UGT3A2: variants seen among roughly 807,000 people sequenced by gnomAD.
UGT3A2 encodes the protein UDP-glycosyltransferase 3A2.
Under a neutral mutation model 39.8 loss-of-function variants are expected in UGT3A2, and 32 were observed. The observed-to-expected ratio is 0.80, with a 90% CI of 0.61 to 1.08. The LOEUF is 1.08. Among genes scored for constraint, UGT3A2 ranks in the 50% least tolerant of loss-of-function variants. The probability of loss-of-function intolerance (pLI) is 0.00; values close to 1 mark genes in which losing one functional copy is unlikely to be tolerated. For missense variants in UGT3A2, 611 were observed against 637.1 expected, an observed-to-expected ratio of 0.96 and a Z score of 0.44; for synonymous variants, 241 against 230.7, an observed-to-expected ratio of 1.04 and a Z score of -0.40.
intron 2 of UGT3A2, among the ~76,000 whole-genome samples, chr5:36,057,249 C>T (rs1470814064): frequency 6.6e-6 from 1 of 152,160 alleles, no homozygotes; most frequent in Non-Finnish European, 1.5e-5. Context: ...TGTTTCAATT[C>T]ATTAAATTGG....
chr5:36,048,804 G>A, intron 4 of UGT3A2, 85 bp downstream of exon 4: 1 of 1,540,848 alleles, frequency 6.5e-7, no homozygotes, highest in Non-Finnish European at 8.7e-7. Context: ...TTTAGCCTCA[G>A]GATCCTACTG....
At chr5:36,037,333 T>A (rs1480818677) in intron 6 of UGT3A2, among the ~76,000 whole-genome samples, 1 of 152,160 alleles carries the variant, frequency 6.6e-6, no homozygotes, top group Admixed American at 6.5e-5. Context: ...TACTCAGGAC[T>A]GTCAGAGGCG....
At chr5:36,051,735 C>T (rs903908646) in intron 3 of UGT3A2, 135 bp downstream of exon 3, 9 of 248,686 alleles carry the variant, frequency 3.6e-5, no homozygotes, top group East Asian at 3.4e-4. Flanking sequence ...TCCATCCATC[C>T]GTCCATCCAT....
intron 2 of UGT3A2, among the ~76,000 whole-genome samples, chr5:36,058,674 A>T (rs1371254423): frequency 6.6e-6 from 1 of 152,188 alleles, no homozygotes; most frequent in Non-Finnish European, 1.5e-5. Flanking sequence ...AGGGTTGTGG[A>T]AGCTCAGCAG....
chr5:36,038,991 T>C (rs980042678), intron 5 of UGT3A2, among the ~76,000 whole-genome samples: 4 of 152,214 alleles, frequency 2.6e-5, no homozygotes, highest in Admixed American at 1.3e-4. Flanking sequence ...AATCTTGTGA[T>C]GGTAGAAGTT....
intron 4 of UGT3A2, among the ~76,000 whole-genome samples, chr5:36,040,477 T>C (rs1445081693): frequency 6.6e-6 from 1 of 151,990 alleles, no homozygotes; most frequent in Non-Finnish European, 1.5e-5. Context: ...ACTGAGAAGG[T>C]AGGAAAGACA....
Position 36,035,537 on chromosome 5 carries a change from T to C in UGT3A2, c.*161A>G. The C allele has an allele frequency of 2.8e-6, 3 of 1,060,682 alleles. No individual in the cohort carries two copies. Among genetic ancestry groups the C allele is most frequent in the Middle Eastern group, 3.2e-4 (1 of 3,134 alleles). 65.7% of individuals were successfully genotyped at this position (1,060,682 alleles called of 1,614,324 possible). Reference sequence around the variant, plus strand: ...AGTAAGGATGAATTTGTAGCAAAATTAGCAAGTGGAAAGGATGATTTTTGG... The same window carrying C: ...AGTAAGGATGAATTTGTAGCAAAATCAGCAAGTGGAAAGGATGATTTTTGG... On this transcript the variant is annotated 3_prime_UTR_variant, in exon 7 of 7. Coordinates refer to ENST00000282507, the MANE Select transcript of UGT3A2 (RefSeq NM_174914.4).
intron 3 of UGT3A2, among the ~76,000 whole-genome samples, chr5:36,050,167 A>T (rs1217621154): frequency 6.6e-6 from 1 of 150,452 alleles, no homozygotes; most frequent in African/African-American, 2.4e-5. Context: ...ATTTTTATTT[A>T]ATTATTTATT....
intron 1 of UGT3A2, among the ~76,000 whole-genome samples, chr5:36,064,713 G>C (rs1036061976): frequency 1.3e-5 from 2 of 152,200 alleles, no homozygotes; most frequent in African/African-American, 2.4e-5. Flanking sequence ...TCACGGCACT[G>C]GTGGAAATAC....
chr5:36,065,377 C>T (rs1033021890), intron 1 of UGT3A2, among the ~76,000 whole-genome samples: 12 of 152,084 alleles, frequency 7.9e-5, no homozygotes, highest in African/African-American at 2.9e-4. Flanking sequence ...TTTTAATCCA[C>T]GTAAGAACAG....
chr5:36,064,746 G>T (rs1487061622), intron 1 of UGT3A2, among the ~76,000 whole-genome samples: 1 of 152,184 alleles, frequency 6.6e-6, no homozygotes, highest in Non-Finnish European at 1.5e-5. Context: ...GTACATATGA[G>T]TGTGAATAGT....
rs1426356351 is a variant in UGT3A2, at chr5:36,051,988, A to G, written c.197-4T>C. ...GATTTTTCTTCCTTTTTAAAATCTA[A>G]GAAAACAGCAACGGGTTAAAAAAAA... On this transcript the variant is annotated splice_region_variant and splice_polypyrimidine_tract_variant and intron_variant, in intron 2 of 6. Coordinates refer to ENST00000282507, the MANE Select transcript of UGT3A2 (RefSeq NM_174914.4). 6.4e-7 allele frequency: 1 copy of G among 1,552,418 alleles called. No individual in the cohort carries two copies.
At chr5:36,047,920 G>A (rs1296095383) in intron 4 of UGT3A2, among the ~76,000 whole-genome samples, 1 of 152,250 alleles carries the variant, frequency 6.6e-6, no homozygotes, top group East Asian at 1.9e-4. Context: ...CCAACCTGGG[G>A]TGCTTTCCCT....
At chr5:36,042,332 A>G (rs1453790957) in intron 4 of UGT3A2, among the ~76,000 whole-genome samples, 1 of 152,208 alleles carries the variant, frequency 6.6e-6, no homozygotes, top group South Asian at 2.1e-4. Context: ...ATAATGGGTT[A>G]TAAGATGTTA....
At chr5:36,057,445 T>C (rs1469437567) in intron 2 of UGT3A2, among the ~76,000 whole-genome samples, 1 of 152,118 alleles carries the variant, frequency 6.6e-6, no homozygotes, top group Non-Finnish European at 1.5e-5. Context: ...ATCCACACAT[T>C]CCTTGAATTG....
Position 36,039,422 on chromosome 5 carries a change from T to C in UGT3A2, c.1075+55A>G, listed in dbSNP as rs1741930427. ...GTCCAGCTAAAGGTCAGAGCCGTGA[T>C]GAGCCCCAAAGACAGGTCAGTGGAA... On this transcript the variant is annotated intron_variant, in intron 5 of 6. Transcript: ENST00000282507. 5 of 1,540,702 alleles carry C rather than the reference T, an allele frequency of 3.2e-6. No homozygotes were observed. In the East Asian group the frequency reaches 1.1e-4, roughly 35 times the overall value.
intron 4 of UGT3A2, among the ~76,000 whole-genome samples, 155 bp from the exon 5 acceptor site, chr5:36,039,863 G>A (rs1001976372): frequency 1.3e-5 from 2 of 152,198 alleles, no homozygotes; most frequent in African/African-American, 4.8e-5. Context: ...GATACTAGCT[G>A]CACTGTGGTC....
Position 36,061,800 on chromosome 5 carries a change from C to A in UGT3A2, c.196+2449G>T, listed in dbSNP as rs538964657. 1.7e-3 allele frequency among the ~76,000 whole-genome samples: 253 copies of A among 152,136 alleles called. 1 individual carries two copies. The highest frequency in any genetic ancestry group is 5.7e-3 in the African/African-American group (236 of 41,454). On this transcript the variant is annotated intron_variant, in intron 2 of 6. Coordinates refer to ENST00000282507, the MANE Select transcript of UGT3A2 (RefSeq NM_174914.4). ...CAAATGGTATTTCTAGTTCTAGATC[C>A]CTGATGAATCGCCACACTGACTTCC... is the stretch of plus-strand genomic sequence containing the variant.
intron 5 of UGT3A2, among the ~76,000 whole-genome samples, chr5:36,039,197 C>A (rs1741924326): frequency 6.6e-6 from 1 of 152,170 alleles, no homozygotes; most frequent in East Asian, 1.9e-4. Flanking sequence ...AGACCAAATG[C>A]AGTAGGGTTA....
Sources: allele counts gnomAD v4.1 joint callset (sites outside exome capture counted in the v4.1 genomes callset), GRCh38; gene constraint gnomAD v4.1.1; transcripts MANE v1.5; gene names NCBI Gene and HGNC (gene_info 2026-07-23, HGNC 2026-07-21).